Variants in RCL1 observed in about 807,000 individuals in gnomAD.
RCL1 encodes the protein RNA 3'-terminal phosphate cyclase-like protein.
In RCL1, 24 loss-of-function variants were observed where a neutral mutation model predicts 42.4. The observed-to-expected ratio is 0.57, with a 90% confidence interval of 0.41 to 0.80. The LOEUF is 0.80. Among genes scored for constraint, RCL1 ranks in the 30% least tolerant of loss-of-function variants. The pLI is 0.00. For missense variants in RCL1, 578 were observed against 467.9 expected (o/e 1.24, Z -2.17); for synonymous variants, 228 against 177.3 (o/e 1.29, Z -2.27).
chr9:4,816,818 A>G (rs1408873323), intron 1 of RCL1, among the ~76,000 whole-genome samples: 1 of 151,950 alleles, frequency 6.6e-6, no homozygotes, highest in Admixed American at 6.6e-5. Flanking sequence ...AATAATAATA[A>G]TAATTGTTAT....
At chr9:4,806,269 A>G (rs1815957620) in intron 1 of RCL1, among the ~76,000 whole-genome samples, 1 of 152,012 alleles carries the variant, frequency 6.6e-6, no homozygotes, top group African/African-American at 2.4e-5. Context: ...TTCTAGCACC[A>G]TGTTAAGTAA....
At position 4,792,953 on chromosome 9, in the gene RCL1, G is replaced by A; in HGVS notation, c.-139G>A. 1 of 844,166 alleles carries A rather than the reference G, an allele frequency of 1.2e-6. No homozygotes were observed. 52.3% of individuals were successfully genotyped at this position (844,166 alleles called of 1,614,324 possible). ...TCCGTCTTCCTGTTCCAAACCACGT[G>A]GACGCGTCTGGGCTGCTGGAGGCAG... On this transcript the variant is annotated 5_prime_UTR_variant, in exon 1 of 9. Transcript: ENST00000381750.
At chr9:4,808,852 A>G (rs1816071094) in intron 1 of RCL1, among the ~76,000 whole-genome samples, 1 of 152,194 alleles carries the variant, frequency 6.6e-6, no homozygotes, top group Admixed American at 6.5e-5. Context: ...AGGGCAAAGA[A>G]GTTTTTGATT....
intron 2 of RCL1, among the ~76,000 whole-genome samples, chr9:4,825,380 A>AAT (rs1816725481): frequency 6.6e-6 from 1 of 152,184 alleles, no homozygotes; most frequent in African/African-American, 2.4e-5. Context: ...GTGAATATAT[A>AAT]GTCTTTTTAT....
intron 1 of RCL1, among the ~76,000 whole-genome samples, chr9:4,820,172 C>T (rs1038166830): frequency 4.6e-5 from 7 of 152,128 alleles, no homozygotes; most frequent in South Asian, 2.1e-4. Flanking sequence ...TTTCCCTGAA[C>T]GTTTTGAGAT....
intron 1 of RCL1, chr9:4,803,855 T>G (rs1843048501): frequency 6.3e-6 from 1 of 158,870 alleles, no homozygotes; most frequent in African/African-American, 2.4e-5. Context: ...CTTCTGGCAT[T>G]GGAACGGGCT....
intron 8 of RCL1, among the ~76,000 whole-genome samples, chr9:4,855,029 G>A (rs964234574): frequency 1.4e-5 from 2 of 140,598 alleles, no homozygotes; most frequent in Non-Finnish European, 3.0e-5. Flanking sequence ...CCCCAGCCTG[G>A]GTGACAGAGC....
intron 8 of RCL1, among the ~76,000 whole-genome samples, chr9:4,859,879 C>T (rs1280407780): frequency 6.6e-6 from 1 of 152,126 alleles, no homozygotes; most frequent in East Asian, 1.9e-4. Context: ...CACGTACGAA[C>T]TTCTAACCTT....
rs560587955 is a variant in RCL1, at chr9:4,847,123, C to G, written c.868-2324C>G. 1.2e-3 allele frequency among the ~76,000 whole-genome samples: 182 copies of G among 152,258 alleles called. 2 individuals carry two copies. Among genetic ancestry groups the G allele is most frequent in the African/African-American group, 4.1e-3 (169 of 41,546 alleles). On this transcript the variant is annotated intron_variant, in intron 7 of 8. Transcript: ENST00000381750. ...CGAACTCCTGACCTCAGGTGTTCCA[C>G]CCGCCTCGGCCTCCCAAAGTGCTGG...
At chr9:4,841,547 A>C (rs1817329383) in intron 6 of RCL1, among the ~76,000 whole-genome samples, 190 bp downstream of exon 6, 1 of 152,246 alleles carries the variant, frequency 6.6e-6, no homozygotes, top group African/African-American at 2.4e-5. Context: ...AAAGCATCCC[A>C]GTGGCTAGAG....
chr9:4,852,551 C>T (rs756590005), intron 8 of RCL1, among the ~76,000 whole-genome samples: 41 of 152,148 alleles, frequency 2.7e-4, no homozygotes, highest in Admixed American at 5.2e-4. Context: ...ACCAGGAGAC[C>T]GTGGAAATGG....
intron 2 of RCL1, among the ~76,000 whole-genome samples, chr9:4,825,213 A>T (rs543994592): frequency 3.3e-5 from 5 of 152,026 alleles, no homozygotes; most frequent in South Asian, 2.1e-4. Flanking sequence ...CATACTGGCA[A>T]TGTAGATTGA....
At chr9:4,848,483 ACTG>A (rs1431774498) in intron 7 of RCL1, among the ~76,000 whole-genome samples, 19 of 152,318 alleles carry the variant, frequency 1.2e-4, no homozygotes, top group Middle Eastern at 3.4e-3. Context: ...TATGAACCAC[ACTG>A]CTGGCCACCT....
intron 1 of RCL1, chr9:4,804,526 G>C (rs377083135): frequency 6.6e-6 from 1 of 152,454 alleles, no homozygotes; most frequent in Non-Finnish European, 1.5e-5. Context: ...TAAGTTCTGG[G>C]CGCGGGAGCC....
chr9:4,860,084 G>T (rs1818113396), intron 8 of RCL1, 41 bp from the exon 9 acceptor site: 1 of 1,392,634 alleles, frequency 7.2e-7, no homozygotes, highest in African/African-American at 1.5e-5. Flanking sequence ...TTTTTTGAAT[G>T]AATTTCTTTT....
chr9:4,834,321 G>C, intron 5 of RCL1, 56 bp downstream of exon 5: 2 of 1,555,322 alleles, frequency 1.3e-6, no homozygotes, highest in Admixed American at 3.6e-5. Flanking sequence ...GCCTCACTAA[G>C]ATAAGAATGA....
At chr9:4,816,524 C>T (rs1365483141) in intron 1 of RCL1, among the ~76,000 whole-genome samples, 1 of 152,014 alleles carries the variant, frequency 6.6e-6, no homozygotes, top group Non-Finnish European at 1.5e-5. Context: ...ATAATTAAGC[C>T]AGTTAGTTGA....
At chr9:4,850,805 C>G (rs761670037) in intron 8 of RCL1, among the ~76,000 whole-genome samples, 7 of 152,080 alleles carry the variant, frequency 4.6e-5, no homozygotes, top group Admixed American at 2.0e-4. Flanking sequence ...AGAGAGCTCA[C>G]TGGAGGCGGC....
intron 3 of RCL1, among the ~76,000 whole-genome samples, chr9:4,832,428 T>C (rs1816970418): frequency 6.6e-6 from 1 of 152,216 alleles, no homozygotes; most frequent in African/African-American, 2.4e-5. Flanking sequence ...CTCGGAATGC[T>C]ACCGGCTCTA....
Sources: allele counts gnomAD v4.1 joint callset (sites outside exome capture counted in the v4.1 genomes callset), GRCh38; gene constraint gnomAD v4.1.1; transcripts MANE v1.5; gene names NCBI Gene and HGNC (gene_info 2026-07-23, HGNC 2026-07-21).